Variants in COL4A4 observed in about 807,000 individuals in gnomAD.
The protein encoded by COL4A4 is collagen alpha-4(IV) chain.
In COL4A4, 105 loss-of-function variants were observed where a neutral mutation model predicts 192.9. The observed-to-expected ratio is 0.54, with a 90% CI of 0.46 to 0.64. The LOEUF (loss-of-function observed/expected upper bound fraction) is 0.64. COL4A4 is among the 30% of genes least tolerant of loss of function. The probability of loss-of-function intolerance (pLI) is 0.00; values close to 1 mark genes in which losing one functional copy is unlikely to be tolerated. For synonymous variants in COL4A4, 762 were observed against 769.9 expected (o/e 0.99, Z 0.17); for missense variants, 1,967 against 2,169.3 (o/e 0.91, Z 1.85).
chr2:227,041,796 G>GA (rs1491443259), intron 37 of COL4A4, among the ~76,000 whole-genome samples: 1 of 54,106 alleles, frequency 1.8e-5, no homozygotes, highest in African/African-American at 8.8e-5. Flanking sequence ...GGGAAAGAAA[G>GA]AAAGAAAGGA....
At chr2:227,101,004 T>C (rs1020822360) in intron 17 of COL4A4, among the ~76,000 whole-genome samples, 3 of 152,060 alleles carry the variant, frequency 2.0e-5, no homozygotes, top group African/African-American at 7.2e-5. Flanking sequence ...GAGACGGGGT[T>C]TCACTGTGTT....
At chr2:227,116,780 G>C (rs2061512985) in intron 7 of COL4A4, among the ~76,000 whole-genome samples, 1 of 152,102 alleles carries the variant, frequency 6.6e-6, no homozygotes, top group Non-Finnish European at 1.5e-5. Flanking sequence ...TGACACAGAT[G>C]AAAACTTCAC....
At chr2:227,027,638 A>AAT (rs55816470) in intron 42 of COL4A4, among the ~76,000 whole-genome samples, 9 of 149,696 alleles carry the variant, frequency 6.0e-5, no homozygotes, top group East Asian at 1.9e-4. Flanking sequence ...TATAATAAAA[A>AAT]ATATATATAT....
chr2:227,156,433 C>A (rs191842578), intron 1 of COL4A4, among the ~76,000 whole-genome samples: 6 of 147,528 alleles, frequency 4.1e-5, no homozygotes, highest in African/African-American at 1.5e-4. Flanking sequence ...GCACACCAGG[C>A]AGACCCCAGG....
chr2:227,049,014 TATTTTA>T (rs1223135501), intron 34 of COL4A4, among the ~76,000 whole-genome samples: 2 of 152,232 alleles, frequency 1.3e-5, no homozygotes, highest in Non-Finnish European at 2.9e-5. Flanking sequence ...CATTAATTAG[TATTTTA>T]TATTTTAAAT....
chr2:227,159,354 A>C (rs759807811), intron 1 of COL4A4, among the ~76,000 whole-genome samples: 1 of 152,238 alleles, frequency 6.6e-6, no homozygotes, highest in Non-Finnish European at 1.5e-5. Context: ...GGCAGAAAGA[A>C]ACTTCTGGGA....
chr2:227,108,943 A>T, intron 10 of COL4A4, 75 bp from the exon 11 acceptor site: 2 of 1,378,040 alleles, frequency 1.5e-6, no homozygotes, highest in Non-Finnish European at 2.1e-6. Flanking sequence ...TTGTTACCCC[A>T]AAATAGGGTC....
chr2:227,146,395 T>A (rs914074014), intron 2 of COL4A4, among the ~76,000 whole-genome samples: 2 of 152,150 alleles, frequency 1.3e-5, no homozygotes, highest in Admixed American at 6.5e-5. Flanking sequence ...CACCTTCACT[T>A]CTTTCACTCC....
At chr2:227,162,816 TC>T (rs2064953592) in intron 1 of COL4A4, among the ~76,000 whole-genome samples, 1 of 152,176 alleles carries the variant, frequency 6.6e-6, no homozygotes, top group Non-Finnish European at 1.5e-5. Flanking sequence ...TGTTTTATCC[TC>T]CCAAAGATTC....
chr2:227,106,791 C>T (rs1389997556), intron 12 of COL4A4, among the ~76,000 whole-genome samples: 1 of 152,196 alleles, frequency 6.6e-6, no homozygotes, highest in African/African-American at 2.4e-5. Flanking sequence ...GTCTCGAACT[C>T]CTGACCTGAG....
chr2:227,008,138 G>A lies in COL4A4; in HGVS notation c.4689C>T (p.Val1563=). 1.2e-6 allele frequency: 2 copies of A among 1,614,026 alleles called. No individual in the cohort carries two copies. The highest frequency in any genetic ancestry group is 8.5e-7 in the Non-Finnish European group (1 of 1,179,914). The change falls in exon 47 of 48, where the codon GTC becomes GTT. Residue 1563 remains valine, a synonymous_variant. Transcript: ENST00000396625. Reference sequence around the variant, plus strand: ...GGGCCTCGCATACCGCACAGCGGCTGACATAGGGGCGGATCGCCTCTTCAG... The same window carrying A: ...GGGCCTCGCATACCGCACAGCGGCTAACATAGGGGCGGATCGCCTCTTCAG... ...PLSEEAIRPY[V]SRCAVCEAPA...
intron 25 of COL4A4, among the ~76,000 whole-genome samples, chr2:227,063,518 C>T (rs915179270): frequency 1.3e-5 from 2 of 151,950 alleles, no homozygotes; most frequent in African/African-American, 2.4e-5. Flanking sequence ...TTACTTTGTT[C>T]TAAAACTTCA....
Position 227,007,263 on chromosome 2 carries a change from C to G in COL4A4, c.*62G>C. Reference sequence around the variant, plus strand: ...GCACCATGACATCTCTTAGCACAGTCTAGGAAGTCTTAGCCCCCTAGGAAG... The same window carrying G: ...GCACCATGACATCTCTTAGCACAGTGTAGGAAGTCTTAGCCCCCTAGGAAG... On this transcript the variant is annotated 3_prime_UTR_variant, in exon 48 of 48. Transcript: ENST00000396625. 1.9e-6 allele frequency: 3 copies of G among 1,608,766 alleles called. No individual in the cohort carries two copies. Among genetic ancestry groups the G allele is most frequent in the Non-Finnish European group, 2.6e-6 (3 of 1,175,698 alleles).
chr2:227,018,282 A>G (rs1409729803), intron 44 of COL4A4, among the ~76,000 whole-genome samples: 3 of 152,014 alleles, frequency 2.0e-5, no homozygotes, highest in East Asian at 3.9e-4. Flanking sequence ...CCCAGGCTGG[A>G]GTGGTGTATA....
chr2:226,982,771 TC>T, the COL4A4 span, among the ~76,000 whole-genome samples: 1 of 152,232 alleles, frequency 6.6e-6, no homozygotes, highest in Non-Finnish European at 1.5e-5. Context: ...CATTCATTCC[TC>T]AAGCATTTAT....
chr2:226,994,597 C>A, the COL4A4 span, among the ~76,000 whole-genome samples: 1 of 152,208 alleles, frequency 6.6e-6, no homozygotes, highest in East Asian at 1.9e-4. Flanking sequence ...TAGAAGTAAA[C>A]CTCTACTTAC....
At chr2:227,002,592 A>ACTC (rs1559384446), downstream of COL4A4, 1 of 152,106 alleles carries the variant, frequency 6.6e-6, no homozygotes, top group African/African-American at 2.4e-5. Context: ...TCCAGCCTAC[A>ACTC]CTCTTCCCTT....
chr2:227,144,693 AT>A, intron 2 of COL4A4, 135 bp from the exon 3 acceptor site: 3 of 687,632 alleles, frequency 4.4e-6, no homozygotes, highest in Non-Finnish European at 5.2e-6. Context: ...CCGACTTGTC[AT>A]CAGTGACAAG....
chr2:227,062,989 C>T (rs1190114377), intron 25 of COL4A4, among the ~76,000 whole-genome samples: 2 of 152,118 alleles, frequency 1.3e-5, no homozygotes, highest in African/African-American at 4.8e-5. Context: ...TGAGAAGTCT[C>T]GATAAATCAT....
Sources: allele counts gnomAD v4.1 joint callset (sites outside exome capture counted in the v4.1 genomes callset), GRCh38; gene constraint gnomAD v4.1.1; transcripts MANE v1.5; gene names NCBI Gene and HGNC (gene_info 2026-07-23, HGNC 2026-07-21).